MAGI1: variants seen among roughly 807,000 people sequenced by gnomAD.
MAGI1 encodes the protein membrane-associated guanylate kinase, WW and PDZ domain-containing protein 1.
MAGI1 carries 58 observed loss-of-function variants against 139.9 expected under a neutral mutation model. That is an observed-to-expected ratio of 0.41 (90% CI 0.34 to 0.52). The LOEUF is 0.52. MAGI1 is among the 20% of genes least tolerant of loss of function. The pLI is 0.12. For synonymous variants in MAGI1, 812 were observed against 737.9 expected (o/e 1.10, Z -1.63); for missense variants, 1,874 against 1,901.6 (o/e 0.99, Z 0.27).
intron 12 of MAGI1, among the ~76,000 whole-genome samples, chr3:65,418,220 G>A (rs1375928625): frequency 6.6e-6 from 1 of 152,100 alleles, no homozygotes; most frequent in African/African-American, 2.4e-5. Flanking sequence ...AATATGTATG[G>A]CACAGACTCA....
Position 65,544,499 on chromosome 3 carries a change from T to G in MAGI1, c.431-50868A>C, listed in dbSNP as rs139166603. 1.5e-4 allele frequency among the ~76,000 whole-genome samples: 23 copies of G among 152,312 alleles called. 1 individual carries two copies. The highest frequency in any genetic ancestry group is 4.8e-4 in the African/African-American group (20 of 41,568). ...GGGCTTTGTTCTAGACTAGATGCTG[T>G]TAAGACATGGAGGTAATTCCATGAT... is the stretch of plus-strand genomic sequence containing the variant. On this transcript the variant is annotated intron_variant, in intron 2 of 22. Transcript: ENST00000402939.
chr3:66,014,900 C>G (rs953968935), intron 1 of MAGI1, among the ~76,000 whole-genome samples: 21 of 152,328 alleles, frequency 1.4e-4, no homozygotes, highest in African/African-American at 5.1e-4. Context: ...TCCACCCCAT[C>G]TCTATAAATA....
intron 1 of MAGI1, chr3:65,893,823 GA>G (rs1453765724): frequency 2.0e-5 from 3 of 152,180 alleles, no homozygotes; most frequent in African/African-American, 7.2e-5. Flanking sequence ...AAGCACAGCT[GA>G]AATGCTTGTC....
At chr3:65,373,927 T>C (rs575839290) in intron 18 of MAGI1, among the ~76,000 whole-genome samples, 5 of 152,340 alleles carry the variant, frequency 3.3e-5, no homozygotes, top group South Asian at 4.1e-4. Context: ...ATTTTTACTG[T>C]TTGGTTTTGC....
intron 1 of MAGI1, among the ~76,000 whole-genome samples, chr3:65,930,315 C>CAAAAAAAAAAAAAAAAAAAAAA: frequency 1.1e-5 from 1 of 87,630 alleles, no homozygotes; most frequent in Non-Finnish European, 2.3e-5. Flanking sequence ...GACTCCGTCT[C>CAAAAAAAAAAAAAAAAAAAAAA]AAAAAAAAAA....
intron 10 of MAGI1, among the ~76,000 whole-genome samples, chr3:65,433,766 T>C (rs1262212482): frequency 6.6e-6 from 1 of 152,012 alleles, no homozygotes; most frequent in Non-Finnish European, 1.5e-5. Flanking sequence ...GAATGAACCT[T>C]AGGTGCATGT....
chr3:65,533,471 C>A (rs1171411295), intron 2 of MAGI1, among the ~76,000 whole-genome samples: 3 of 152,190 alleles, frequency 2.0e-5, no homozygotes, highest in South Asian at 2.1e-4. Context: ...TTCTTAAACA[C>A]ACTGCAATCA....
chr3:65,360,446 A>G, intron 22 of MAGI1: 1 of 983,434 alleles, frequency 1.0e-6, no homozygotes, highest in Non-Finnish European at 1.2e-6. Flanking sequence ...ACACTAAGCT[A>G]TGTAAAGATC....
intron 6 of MAGI1, among the ~76,000 whole-genome samples, chr3:65,449,858 T>C (rs1233147863): frequency 1.3e-5 from 2 of 152,120 alleles, no homozygotes; most frequent in South Asian, 4.1e-4. Flanking sequence ...ATTAAAACCA[T>C]GATAAGTTCT....
At chr3:65,463,872 G>C (rs1441627094) in intron 5 of MAGI1, among the ~76,000 whole-genome samples, 3 of 151,416 alleles carry the variant, frequency 2.0e-5, no homozygotes, top group South Asian at 2.1e-4. Context: ...TATGTGTCCA[G>C]GAATTTATCC....
At chr3:65,897,144 A>G (rs1027645565) in intron 1 of MAGI1, among the ~76,000 whole-genome samples, 7 of 152,214 alleles carry the variant, frequency 4.6e-5, no homozygotes, top group African/African-American at 1.7e-4. Context: ...TACTATATTT[A>G]GTACATCACT....
At chr3:65,602,043 A>G (rs1483943698) in intron 2 of MAGI1, among the ~76,000 whole-genome samples, 1 of 152,178 alleles carries the variant, frequency 6.6e-6, no homozygotes, top group East Asian at 1.9e-4. Flanking sequence ...TCCCATTCAT[A>G]CCCACTAAAA....
At chr3:65,622,587 G>A (rs906318882) in intron 1 of MAGI1, among the ~76,000 whole-genome samples, 6 of 151,466 alleles carry the variant, frequency 4.0e-5, no homozygotes, top group Non-Finnish European at 8.8e-5. Flanking sequence ...TTTTTGAAAC[G>A]GAGTCTTATT....
At chr3:65,462,555 T>C (rs1949879188) in intron 5 of MAGI1, among the ~76,000 whole-genome samples, 1 of 152,262 alleles carries the variant, frequency 6.6e-6, no homozygotes, top group Non-Finnish European at 1.5e-5. Context: ...GATAGCATGA[T>C]GCCTCCAGCT....
At chr3:65,401,404 C>T (rs755705232) in intron 13 of MAGI1, 35 bp downstream of exon 13, 8 of 1,593,280 alleles carry the variant, frequency 5.0e-6, no homozygotes, top group Admixed American at 1.7e-5. Flanking sequence ...TCCACCCCAG[C>T]CCCAACAAGC....
intron 2 of MAGI1, among the ~76,000 whole-genome samples, chr3:65,507,373 T>A (rs888076348): frequency 2.0e-5 from 3 of 152,246 alleles, no homozygotes; most frequent in Admixed American, 6.5e-5. Flanking sequence ...AAGTGTCTCA[T>A]GAGCAAAGGC....
chr3:65,839,301 C>T (rs1354719673), intron 1 of MAGI1, among the ~76,000 whole-genome samples: 1 of 152,152 alleles, frequency 6.6e-6, no homozygotes, highest in East Asian at 1.9e-4. Context: ...AAGTACAGCA[C>T]ACACAATTAT....
intron 1 of MAGI1, among the ~76,000 whole-genome samples, chr3:65,926,618 A>T (rs550466169): frequency 6.6e-6 from 1 of 152,214 alleles, no homozygotes; most frequent in Non-Finnish European, 1.5e-5. Context: ...GATGAGAGTG[A>T]CCTCTGGTTG....
intron 8 of MAGI1, among the ~76,000 whole-genome samples, chr3:65,441,575 C>T (rs1948331639): frequency 6.6e-6 from 1 of 152,176 alleles, no homozygotes; most frequent in African/African-American, 2.4e-5. Context: ...AAGCTTTTGT[C>T]ATCTGTTCCT....
Sources: allele counts gnomAD v4.1 joint callset (sites outside exome capture counted in the v4.1 genomes callset), GRCh38; gene constraint gnomAD v4.1.1; transcripts MANE v1.5; gene names NCBI Gene and HGNC (gene_info 2026-07-23, HGNC 2026-07-21).